SLC2A14: variants seen among roughly 807,000 people sequenced by gnomAD.
The protein encoded by SLC2A14 is solute carrier family 2, facilitated glucose transporter member 14.
In SLC2A14, 13 loss-of-function variants were observed where a neutral mutation model predicts 43.0. That is an observed-to-expected ratio of 0.30 (90% CI 0.20 to 0.48). The LOEUF (loss-of-function observed/expected upper bound fraction) is 0.48, where lower values mean the gene tolerates loss of function less well. Ranked by LOEUF, SLC2A14 falls within the 20% of genes least tolerant of loss-of-function variation. The pLI is 0.99. For missense variants in SLC2A14, 428 were observed against 620.4 expected (o/e 0.69, Z 3.29); for synonymous variants, 190 against 233.8 (o/e 0.81, Z 1.71).
intron 3 of SLC2A14, among the ~76,000 whole-genome samples, chr12:7,832,069 T>C (rs1313726044): frequency 6.6e-6 from 1 of 152,176 alleles, no homozygotes; most frequent in Non-Finnish European, 1.5e-5. Flanking sequence ...GATAGCGCCA[T>C]TGCACTCCGG....
chr12:7,826,925 T>C lies in SLC2A14; in HGVS notation c.864+570A>G, dbSNP rs1006875847. 3.3e-4 allele frequency among the ~76,000 whole-genome samples: 32 copies of C among 96,970 alleles called. 1 individual carries two copies. Among genetic ancestry groups the C allele is most frequent in the African/African-American group, 8.1e-4 (24 of 29,456 alleles). The allele number at this position is 96,970 out of a possible 152,430, so 63.6% of individuals were successfully genotyped here. On this transcript the variant is annotated intron_variant, in intron 7 of 10. Transcript: ENST00000431042. ...TCTTTCTTTCTTTCTTTTTCCTTTT[T>C]CTTTCCTTTCCTTTCCTTTCTTTCC...
chr12:7,862,912 G>A (rs1284117421), intron 2 of SLC2A14, among the ~76,000 whole-genome samples: 1 of 151,968 alleles, frequency 6.6e-6, no homozygotes, highest in Non-Finnish European at 1.5e-5. Context: ...GATTGTAAAC[G>A]CACCAATCAG....
intron 7 of SLC2A14, among the ~76,000 whole-genome samples, chr12:7,825,515 G>A (rs1864277415): frequency 6.7e-6 from 1 of 148,298 alleles, no homozygotes; most frequent in Non-Finnish European, 1.5e-5. Context: ...TGTAATCCCA[G>A]CACTTTGGGA....
chr12:7,875,017 TTATA>T (rs1197656906), upstream of SLC2A14, among the ~76,000 whole-genome samples: 1 of 111,034 alleles, frequency 9.0e-6, no homozygotes, highest in Non-Finnish European at 1.7e-5. Context: ...TATATAAAAA[TTATA>T]TATAAATACA....
chr12:7,872,888 C>T lies in SLC2A14; in HGVS notation c.-139G>A, dbSNP rs796250614. On this transcript the variant is annotated 5_prime_UTR_variant, in exon 1 of 11. Coordinates refer to ENST00000431042, the MANE Select transcript of SLC2A14 (RefSeq NM_001286234.2). Reference sequence around the variant, plus strand: ...CCGGGCCGCTGCGCCCCCGCCGGCCCCGCCTGCAGCCGTTGGGACCCACTA... The same window carrying T: ...CCGGGCCGCTGCGCCCCCGCCGGCCTCGCCTGCAGCCGTTGGGACCCACTA... 25 of 985,668 alleles carry T rather than the reference C, an allele frequency of 2.5e-5. No homozygotes were observed. The African/African-American group carries it at 4.2e-4, about 16-fold the overall frequency. The allele number at this position is 985,668 out of a possible 1,614,324, so 61.1% of individuals were successfully genotyped here. A position where few individuals can be genotyped will look rare whatever the true frequency, so the allele number is the denominator to read the frequency against.
rs1863214078 is a variant in SLC2A14, at chr12:7,813,898, C to A, written c.*418G>T. ...GCTGTATGGAAGTGAGGAAGGTGCT[C>A]TTACATAAACACCCTCCGGCTTCCA... is the stretch of plus-strand genomic sequence containing the variant. On this transcript the variant is annotated 3_prime_UTR_variant, in exon 11 of 11. Transcript: ENST00000431042. 2 of 199,630 alleles carry A rather than the reference C, an allele frequency of 1.0e-5. No homozygotes were observed. Among genetic ancestry groups the A allele is most frequent in the Non-Finnish European group, 2.1e-5 (2 of 94,684 alleles). 12.4% of individuals were successfully genotyped at this position (199,630 alleles called of 1,614,324 possible).
At chr12:7,844,843 G>A (rs920379138) in intron 2 of SLC2A14, among the ~76,000 whole-genome samples, 16 of 151,948 alleles carry the variant, frequency 1.1e-4, no homozygotes, top group South Asian at 4.2e-4. Flanking sequence ...GCTGTAAATC[G>A]TAAATTCTAA....
intron 5 of SLC2A14, among the ~76,000 whole-genome samples, chr12:7,829,204 T>G (rs1565514496): frequency 6.6e-6 from 1 of 151,872 alleles, no homozygotes; most frequent in Non-Finnish European, 1.5e-5. Context: ...AGAGTGAGAC[T>G]CCGTCTCAGA....
rs374044759 is a variant in SLC2A14, at chr12:7,817,978, G to A, written c.1128C>T (p.Ala376=). Residue 376 remains alanine, a synonymous_variant, in exon 10 of 11, where the codon GCC becomes GCT. Transcript: ENST00000431042. ...TGGGGCCTGGTCCAATTTCAAAACA[G>A]GCCACAAAGACCAAGATAGCCCCAA... ...VCIGAILVFV[A]CFEIGPGPIP... The A allele has an allele frequency of 1.7e-4, 276 of 1,613,942 alleles. No homozygotes were observed. Among genetic ancestry groups the A allele is most frequent in the Middle Eastern group, 1.3e-3 (8 of 6,084 alleles).
chr12:7,879,042 A>G (rs867246157), intron 1 of SLC2A14, among the ~76,000 whole-genome samples: 5 of 148,684 alleles, frequency 3.4e-5, no homozygotes, highest in Admixed American at 6.9e-5. Flanking sequence ...ACCTTACTCT[A>G]GAAAGTAGGG....
chr12:7,847,265 A>AAAAGG (rs1311619656), intron 2 of SLC2A14, among the ~76,000 whole-genome samples: 9 of 152,038 alleles, frequency 5.9e-5, no homozygotes, highest in African/African-American at 1.9e-4. Context: ...AAAAGAAAAG[A>AAAAGG]AAAGGAAAGA....
chr12:7,863,468 T>C (rs1944720830), intron 2 of SLC2A14: 1 of 450,304 alleles, frequency 2.2e-6, no homozygotes, highest in Non-Finnish European at 4.4e-6. Flanking sequence ...CTATTAAAAA[T>C]ACAAAAAAAT....
In SLC2A14 at chr12:7,829,731, C is replaced by T. The variant is rs767525914; in HGVS notation, c.513+35G>A. 4.3e-6 allele frequency: 7 copies of T among 1,611,702 alleles called. No homozygotes were observed. In the East Asian group the frequency reaches 1.1e-4, roughly 26 times the overall value. ...TTAACTTTTTTAATGACCCATGAAA[C>T]TAACACTCATTAAGTATGAGAAGTT... On this transcript the variant is annotated intron_variant, in intron 5 of 10. Transcript: ENST00000431042.
chr12:7,856,924 C>T (rs1944281732), intron 2 of SLC2A14, among the ~76,000 whole-genome samples: 1 of 151,470 alleles, frequency 6.6e-6, no homozygotes, highest in African/African-American at 2.4e-5. Flanking sequence ...GGTAAACAAA[C>T]CCTAATTTCC....
chr12:7,814,499 G>A lies in SLC2A14; in HGVS notation c.1311C>T (p.Thr437=), dbSNP rs113299917. 8,725 of 1,613,390 alleles carry A rather than the reference G, an allele frequency of 5.4e-3. 280 individuals are homozygous for A. In the East Asian group the frequency reaches 0.064, roughly 12 times the overall value. The change falls in exon 11 of 11, where the codon ACC becomes ACT. Residue 437 remains threonine (T), a synonymous_variant. Coordinates refer to ENST00000431042, the MANE Select transcript of SLC2A14 (RefSeq NM_001286234.2). ...AGGCCAAGAAGGTAATGAGGAAGCC[G>A]GTGAAGATAATAAAAACGTAGGCTC... ...YLGAYVFIIF[T]GFLITFLAFT...
At chr12:7,818,764 C>T (rs895451017) in intron 9 of SLC2A14, among the ~76,000 whole-genome samples, 1 of 151,358 alleles carries the variant, frequency 6.6e-6, no homozygotes, top group African/African-American at 2.4e-5. Context: ...TCAAGCAATC[C>T]TCTCACCTTG....
At chr12:7,842,638 C>T (rs1866061955) in intron 2 of SLC2A14, among the ~76,000 whole-genome samples, 1 of 151,898 alleles carries the variant, frequency 6.6e-6, no homozygotes, top group African/African-American at 2.4e-5. Context: ...CACCAGGCTA[C>T]CACCCCCCTC....
chr12:7,824,539 G>A (rs986347201), intron 7 of SLC2A14, among the ~76,000 whole-genome samples: 1 of 151,466 alleles, frequency 6.6e-6, no homozygotes, highest in Non-Finnish European at 1.5e-5. Flanking sequence ...TTCGAGACCA[G>A]CCTGACTAAC....
At position 7,837,754 on chromosome 12, in the gene SLC2A14, A is replaced by C. The variant is rs978990340; in HGVS notation, c.19-4940T>G. On this transcript the variant is annotated intron_variant, in intron 2 of 10. Transcript: ENST00000431042. ...TGGCATACACCACCACGACTGGCTA[A>C]TTTTTTATTTTTATTTTTTTCGAGA... Among the ~76,000 whole-genome samples the C allele has an allele frequency of 2.7e-5, 4 of 147,618 alleles. No individual in the cohort carries two copies. In the East Asian group the frequency reaches 8.1e-4, roughly 30 times the overall value.
Sources: allele counts gnomAD v4.1 joint callset (sites outside exome capture counted in the v4.1 genomes callset), GRCh38; gene constraint gnomAD v4.1.1; transcripts MANE v1.5; gene names NCBI Gene and HGNC (gene_info 2026-07-23, HGNC 2026-07-21).